The following RRP1B variants were observed in gnomAD, a reference collection of about 807,000 sequenced individuals.
The protein encoded by RRP1B is ribosomal RNA processing 1B.
Under a neutral mutation model 80.2 loss-of-function variants are expected in RRP1B, and 56 were observed. The observed-to-expected ratio is 0.70, with a 90% confidence interval of 0.56 to 0.87. The LOEUF (loss-of-function observed/expected upper bound fraction) is 0.87, where lower values mean the gene tolerates loss of function less well. RRP1B is among the 40% of genes least tolerant of loss of function. The pLI is 0.00. For synonymous variants in RRP1B, 351 were observed against 357.6 expected, an observed-to-expected ratio of 0.98 and a Z score of 0.21; for missense variants, 807 against 939.8, an observed-to-expected ratio of 0.86 and a Z score of 1.85.
chr21:43,659,767 A>G lies in RRP1B; in HGVS notation c.103A>G (p.Ile35Val). The G allele has an allele frequency of 6.6e-7, 1 of 1,520,126 alleles. No homozygotes were observed. The highest frequency in any genetic ancestry group is 8.8e-7 in the Non-Finnish European group (1 of 1,130,992). 94.2% of individuals were successfully genotyped at this position (1,520,126 alleles called of 1,614,324 possible). ...AGCGGTGAAGAAGCTGCGCCAGTACATCAGCGTGAAGACGCAGAGGGAGAC... is the reference window on the plus strand; with the variant it reads ...AGCGGTGAAGAAGCTGCGCCAGTACGTCAGCGTGAAGACGCAGAGGGAGAC... ...DRAVKKLRQY[I>V]SVKTQRETGG... The change falls in exon 1 of 16, where the codon ATC becomes GTC. Residue 35 changes from isoleucine (I) to valine (V), a missense_variant. Coordinates refer to ENST00000340648, the MANE Select transcript of RRP1B (RefSeq NM_015056.3). The surrounding 1 kb of genome is among the most constrained non-coding windows in gnomAD (Gnocchi z 4.2).
At chr21:43,682,863 AATAAATT>A (rs2083048997) in intron 8 of RRP1B, among the ~76,000 whole-genome samples, 1 of 152,200 alleles carries the variant, frequency 6.6e-6, no homozygotes, top group Non-Finnish European at 1.5e-5. Flanking sequence ...TTTCTCCTTA[AATAAATT>A]TTCTTTCATT....
chr21:43,674,355 C>T (rs2083012498), intron 4 of RRP1B, among the ~76,000 whole-genome samples: 1 of 152,088 alleles, frequency 6.6e-6, no homozygotes, highest in Non-Finnish European at 1.5e-5. Flanking sequence ...TAAGGGTTTG[C>T]CATGTTGGCC....
chr21:43,667,894 A>G (rs1012520247), intron 1 of RRP1B, among the ~76,000 whole-genome samples: 26 of 152,330 alleles, frequency 1.7e-4, no homozygotes, highest in Admixed American at 6.5e-4. Context: ...CTGGTTTTAC[A>G]TGGAAAACTA....
At chr21:43,667,488 T>G (rs1198329869) in intron 1 of RRP1B, among the ~76,000 whole-genome samples, 3 of 152,014 alleles carry the variant, frequency 2.0e-5, no homozygotes, top group Non-Finnish European at 2.9e-5. Context: ...TTGTAGAGAT[T>G]GGGTTTTGCT....
intron 8 of RRP1B, among the ~76,000 whole-genome samples, chr21:43,680,973 C>T (rs2083040832): frequency 6.6e-6 from 1 of 152,178 alleles, no homozygotes. Context: ...GTTGCAGTGG[C>T]TCATGCCTAT....
intron 8 of RRP1B, among the ~76,000 whole-genome samples, chr21:43,681,902 G>A (rs978235277): frequency 3.3e-5 from 5 of 152,206 alleles, no homozygotes; most frequent in African/African-American, 1.2e-4. Flanking sequence ...CGTGAATCAT[G>A]ATCGTGTCAC....
Position 43,691,596 on chromosome 21 carries a change from G to C in RRP1B, c.2083+94G>C. On this transcript the variant is annotated intron_variant, in intron 15 of 15. Coordinates refer to ENST00000340648, the MANE Select transcript of RRP1B (RefSeq NM_015056.3). The surrounding 1 kb of genome is among the most constrained non-coding windows in gnomAD (Gnocchi z 4.2). ...CTGGTTCCACAAGGCGGTCGGGGAA[G>C]AGGGGGGTCCTAGCTCCTCACTGCC... is the stretch of plus-strand genomic sequence containing the variant. 1.9e-6 allele frequency: 2 copies of C among 1,042,302 alleles called. No homozygotes were observed. The highest frequency in any genetic ancestry group is 3.0e-6 in the Non-Finnish European group (2 of 672,784). The allele number at this position is 1,042,302 out of a possible 1,614,324, so 64.6% of individuals were successfully genotyped here.
At position 43,691,397 on chromosome 21, in the gene RRP1B, A is replaced by G. The variant is rs770589239; in HGVS notation, c.2020-42A>G. The G allele has an allele frequency of 8.1e-5, 129 of 1,598,860 alleles. No individual in the cohort carries two copies. The highest frequency in any genetic ancestry group is 5.2e-5 in the Non-Finnish European group (61 of 1,166,922). On this transcript the variant is annotated intron_variant, in intron 14 of 15. Coordinates refer to ENST00000340648, the MANE Select transcript of RRP1B (RefSeq NM_015056.3). This position sits in a 1 kb window ranked among gnomAD's most constrained non-coding sequence, Gnocchi z 4.2. ...AAATCTGACTAAGCGCCTCCACTGC[A>G]CTTGCGTCACTCCTTTTGTTCCTGT...
In RRP1B at chr21:43,694,541, G is replaced by A. The variant is rs1269167449; in HGVS notation, c.*1158G>A. Reference sequence around the variant, plus strand: ...AGCGGCTCCTGAGGAGAGCCGCCAAGGCTGCTCGCCTTCTCCGTGGCTTCC... The same window carrying A: ...AGCGGCTCCTGAGGAGAGCCGCCAAAGCTGCTCGCCTTCTCCGTGGCTTCC... On this transcript the variant is annotated 3_prime_UTR_variant, in exon 16 of 16. Transcript: ENST00000340648. 1 of 152,290 alleles carries A rather than the reference G, an allele frequency of 6.6e-6. No individual in the cohort carries two copies. Among genetic ancestry groups the A allele is most frequent in the African/African-American group, 2.4e-5 (1 of 41,470 alleles). The allele number at this position is 152,290 out of a possible 1,614,324, so 9.4% of individuals were successfully genotyped here.
rs145320222 is a variant in RRP1B, at chr21:43,673,130, A to C, written c.272-740A>C. Among the ~76,000 whole-genome samples, 1,193 of 152,308 alleles carry C rather than the reference A, an allele frequency of 7.8e-3. 5 individuals are homozygous for C. The highest frequency in any genetic ancestry group is 0.013 in the Non-Finnish European group (868 of 68,022). On this transcript the variant is annotated intron_variant, in intron 3 of 15. Transcript: ENST00000340648. ...TAATCAGACAAAAATATGAGTTTCT[A>C]TATGGATTATATAAGTGTCAGAATT...
chr21:43,662,677 A>G (rs955278014), intron 1 of RRP1B, among the ~76,000 whole-genome samples: 1 of 152,334 alleles, frequency 6.6e-6, no homozygotes, highest in East Asian at 1.9e-4. Context: ...TAACTGTTCA[A>G]GTTGGGTGCT....
intron 1 of RRP1B, among the ~76,000 whole-genome samples, chr21:43,660,870 A>T (rs2082952275): frequency 6.6e-6 from 1 of 152,178 alleles, no homozygotes; most frequent in Non-Finnish European, 1.5e-5. Context: ...CTGCTGTTGG[A>T]TGATTTCATT....
At position 43,691,021 on chromosome 21, in the gene RRP1B, T is replaced by C. The variant is rs2083084201; in HGVS notation, c.2020-418T>C. ...TCTTCAAGTTAGAAGTTCAGAACTCTCCAGCAAAAGGCAGGGGAGTCTTGG... is the reference window on the plus strand; with the variant it reads ...TCTTCAAGTTAGAAGTTCAGAACTCCCCAGCAAAAGGCAGGGGAGTCTTGG... On this transcript the variant is annotated intron_variant, in intron 14 of 15. Coordinates refer to ENST00000340648, the MANE Select transcript of RRP1B (RefSeq NM_015056.3). The surrounding 1 kb of genome is among the most constrained non-coding windows in gnomAD (Gnocchi z 4.2). Among the ~76,000 whole-genome samples the C allele has an allele frequency of 6.6e-6, 1 of 152,180 alleles. No homozygotes were observed. Among genetic ancestry groups the C allele is most frequent in the African/African-American group, 2.4e-5 (1 of 41,440 alleles).
In RRP1B at chr21:43,688,266, G is replaced by C. The variant is rs1236463909; in HGVS notation, c.1866+26G>C. On this transcript the variant is annotated intron_variant, in intron 13 of 15. Coordinates refer to ENST00000340648, the MANE Select transcript of RRP1B (RefSeq NM_015056.3). Reference sequence around the variant, plus strand: ...GTAAGGTGGGAGCACCCACAGGCCAGCTCGCCACAGAGGCACTCACTCGCG... The same window carrying C: ...GTAAGGTGGGAGCACCCACAGGCCACCTCGCCACAGAGGCACTCACTCGCG... 2.0e-6 allele frequency: 3 copies of C among 1,501,638 alleles called. No homozygotes were observed. The East Asian group carries it at 7.3e-5, about 36-fold the overall frequency. 93.0% of individuals were successfully genotyped at this position (1,501,638 alleles called of 1,614,324 possible).
At chr21:43,669,806 G>A in intron 1 of RRP1B, 78 bp from the exon 2 acceptor site, 1 of 974,760 alleles carries the variant, frequency 1.0e-6, no homozygotes, top group Non-Finnish European at 1.6e-6. Context: ...TAAAATGTAT[G>A]TGATACTTCA....
intron 1 of RRP1B, among the ~76,000 whole-genome samples, chr21:43,667,225 GT>G (rs1568954507): frequency 6.6e-6 from 1 of 152,040 alleles, no homozygotes; most frequent in Admixed American, 6.6e-5. Context: ...TCGTTTGTTT[GT>G]TTGTTTGTTT....
chr21:43,677,968 G>A lies in RRP1B; in HGVS notation c.796+1054G>A, dbSNP rs972447174. ...GTGGATTGTGCTGCTATAAACAAGC[G>A]TATGCAAGTGTCTTTTTCATATAGT... is the stretch of plus-strand genomic sequence containing the variant. On this transcript the variant is annotated intron_variant, in intron 8 of 15. Coordinates refer to ENST00000340648, the MANE Select transcript of RRP1B (RefSeq NM_015056.3). 5.3e-5 allele frequency among the ~76,000 whole-genome samples: 8 copies of A among 152,214 alleles called. No individual in the cohort carries two copies. The East Asian group carries it at 1.5e-3, about 29-fold the overall frequency.
rs147037752 is a variant in RRP1B at position 43,670,052 on chromosome 21, G to A, written c.213+86G>A. ...ATCACTCATGCTGTGCCAGTCCCCC[G>A]ATACACTGACGCACACTGACAGTCA... On this transcript the variant is annotated intron_variant, in intron 2 of 15. Coordinates refer to ENST00000340648, the MANE Select transcript of RRP1B (RefSeq NM_015056.3). The A allele has an allele frequency of 1.9e-5, 17 of 911,832 alleles. No homozygotes were observed. In the East Asian group the frequency reaches 2.1e-4, roughly 11 times the overall value. The allele number at this position is 911,832 out of a possible 1,614,324, so 56.5% of individuals were successfully genotyped here. A position where few individuals can be genotyped will look rare whatever the true frequency, so the allele number is the denominator to read the frequency against.
At chr21:43,668,225 A>T (rs1415288960) in intron 1 of RRP1B, among the ~76,000 whole-genome samples, 1 of 151,806 alleles carries the variant, frequency 6.6e-6, no homozygotes, top group African/African-American at 2.4e-5. Flanking sequence ...AAAAAAAAGA[A>T]TCAAAATGTA....
Sources: gnomAD v4.1 joint callset for allele counts (sites outside exome capture counted in the v4.1 genomes callset) on GRCh38, gnomAD v4.1.1 for gene constraint, Gnocchi (gnomAD v3.1) non-coding constraint, MANE v1.5 for transcripts, NCBI Gene and HGNC (gene_info 2026-07-23, HGNC 2026-07-21) for gene names.